Variants in PCDHGA8 observed in about 807,000 individuals in gnomAD.
The protein encoded by PCDHGA8 is protocadherin gamma subfamily A, 8.
In PCDHGA8, 45 loss-of-function variants were observed where a neutral mutation model predicts 59.2. The observed-to-expected ratio is 0.76, with a 90% CI of 0.60 to 0.98. PCDHGA8 has a LOEUF of 0.98. Ranked by LOEUF, PCDHGA8 falls within the 50% of genes least tolerant of loss-of-function variation. The pLI, the probability that PCDHGA8 is intolerant of heterozygous loss-of-function variation, is 0.00. For synonymous variants in PCDHGA8, 531 were observed against 519.0 expected (o/e 1.02, Z -0.32); for missense variants, 1,257 against 1,196.2 (o/e 1.05, Z -0.75).
Position 141,477,383 on chromosome 5 carries a change from T to A in PCDHGA8, c.2425-17424T>A. 6.2e-7 allele frequency: 1 copy of A among 1,614,102 alleles called. No homozygotes were observed. Among genetic ancestry groups the A allele is most frequent in the Non-Finnish European group, 8.5e-7 (1 of 1,180,006 alleles). On this transcript the variant is annotated intron_variant, in intron 1 of 3. Transcript: ENST00000398604. This position sits in a 1 kb window ranked among gnomAD's most constrained non-coding sequence, Gnocchi z 4.9. Reference sequence around the variant, plus strand: ...CCTGGATCGGGAGACTGTGCCAGAATACAACCTCAGCATCACCGCCCGAGA... The same window carrying A: ...CCTGGATCGGGAGACTGTGCCAGAAAACAACCTCAGCATCACCGCCCGAGA...
chr5:141,491,291 C>A lies in PCDHGA8; in HGVS notation c.2425-3516C>A. The A allele has an allele frequency of 8.1e-6, 13 of 1,614,152 alleles. No individual in the cohort carries two copies. Among genetic ancestry groups the A allele is most frequent in the Non-Finnish European group, 1.1e-5 (13 of 1,179,974 alleles). On this transcript the variant is annotated intron_variant, in intron 1 of 3. Transcript: ENST00000398604. This position sits in a 1 kb window ranked among gnomAD's most constrained non-coding sequence, Gnocchi z 6.9. The stretch of plus-strand genomic sequence containing the variant: ...AAATCCAGTGACTTCCTCATACACC[C>A]TCCTGAGCGTTCAGACCTTACCCTT...
At chr5:141,398,867 A>G (rs375842913) in intron 1 of PCDHGA8, 18 of 1,613,862 alleles carry the variant, frequency 1.1e-5, no homozygotes, top group Non-Finnish European at 1.4e-5. Context: ...CGAGACGTGT[A>G]CAGAGTCAGC....
intron 1 of PCDHGA8, chr5:141,417,186 C>A (rs2154546857): frequency 6.6e-6 from 1 of 152,258 alleles, no homozygotes; most frequent in Admixed American, 6.5e-5. Context: ...GGAATTATTA[C>A]TTTCTGGGTG....
intron 1 of PCDHGA8, chr5:141,426,778 C>A (rs780981970): frequency 2.2e-6 from 1 of 456,716 alleles, no homozygotes; most frequent in South Asian, 1.5e-5. Context: ...GGGCCTCACT[C>A]TCTCCAGAGT....
intron 1 of PCDHGA8, chr5:141,479,743 T>C (rs2154578017): frequency 6.6e-6 from 1 of 152,356 alleles, no homozygotes; most frequent in African/African-American, 2.4e-5. Flanking sequence ...ATATGCACAA[T>C]GTGAAAGGTA....
At chr5:141,437,832 G>A (rs929534984) in intron 1 of PCDHGA8, among the ~76,000 whole-genome samples, 2 of 151,794 alleles carry the variant, frequency 1.3e-5, no homozygotes, top group Admixed American at 1.3e-4. Context: ...CTGCCTCCTG[G>A]GTTCATGCTA....
Position 141,491,190 on chromosome 5 carries a change from C to A in PCDHGA8, c.2425-3617C>A, listed in dbSNP as rs759736855. On this transcript the variant is annotated intron_variant, in intron 1 of 3. Transcript: ENST00000398604. The surrounding 1 kb of genome is among the most constrained non-coding windows in gnomAD (Gnocchi z 6.9). ...AGCAGGTGGTGGTCCTGGTGAGGGA[C>A]AATGGTGACCCTTCACTCTCCTCCA... 1 of 1,614,192 alleles carries A rather than the reference C, an allele frequency of 6.2e-7. No homozygotes were observed. The highest frequency in any genetic ancestry group is 1.1e-5 in the South Asian group (1 of 91,082).
rs1448273528 is a variant in PCDHGA8 at position 141,393,560 on chromosome 5, G to A, written c.747G>A (p.Val249=). The change falls in exon 1 of 4, where the codon GTG becomes GTA. Residue 249 remains valine (V), a synonymous_variant. Transcript: ENST00000398604. ...TTTTTCCTCACCCGATTTACCGAGTGAAAGTCCTTGAGAACATGCCCCCAG... is the reference window on the plus strand; with the variant it reads ...TTTTTCCTCACCCGATTTACCGAGTAAAAGTCCTTGAGAACATGCCCCCAG... ...APVFPHPIYR[V]KVLENMPPGT... 1.5e-5 allele frequency: 24 copies of A among 1,613,796 alleles called. No homozygotes were observed. Among genetic ancestry groups the A allele is most frequent in the Non-Finnish European group, 2.0e-5 (24 of 1,179,906 alleles).
intron 1 of PCDHGA8, among the ~76,000 whole-genome samples, chr5:141,454,343 A>G (rs1161350416): frequency 2.6e-5 from 4 of 152,248 alleles, no homozygotes; most frequent in African/African-American, 7.2e-5. Flanking sequence ...AAATGTTGGA[A>G]GTTGATCCAA....
rs570809952 is a variant in PCDHGA8 at position 141,463,609 on chromosome 5, C to T, written c.2425-31198C>T. 4.6e-5 allele frequency among the ~76,000 whole-genome samples: 7 copies of T among 151,964 alleles called. No homozygotes were observed. In the East Asian group the frequency reaches 9.7e-4, roughly 21 times the overall value. The stretch of plus-strand genomic sequence containing the variant: ...GACTACAGGTGCCTGCCACCATGCC[C>T]GGCTAATTTTTTGTATTTTGTTTAG... On this transcript the variant is annotated intron_variant, in intron 1 of 3. Coordinates refer to ENST00000398604, the MANE Select transcript of PCDHGA8 (RefSeq NM_032088.2).
chr5:141,480,816 G>A (rs1400500941), intron 1 of PCDHGA8, among the ~76,000 whole-genome samples: 4 of 152,208 alleles, frequency 2.6e-5, no homozygotes, highest in Admixed American at 2.0e-4. Flanking sequence ...GGAGGCTGAG[G>A]TGGGTGGATC....
intron 2 of PCDHGA8, among the ~76,000 whole-genome samples, chr5:141,501,290 T>TACACACACACACAC (rs55762287): frequency 7.3e-6 from 1 of 136,164 alleles, no homozygotes; most frequent in Non-Finnish European, 1.6e-5. Context: ...TATTCCCTTA[T>TACACACACACACAC]ACACACACAC....
intron 1 of PCDHGA8, chr5:141,421,914 T>C: frequency 4.3e-6 from 7 of 1,613,742 alleles, no homozygotes; most frequent in Non-Finnish European, 5.9e-6. Flanking sequence ...CAGTTCCCAT[T>C]CGTGTGGTGG....
intron 1 of PCDHGA8, chr5:141,412,659 C>T (rs1013218327): frequency 7.9e-5 from 12 of 152,212 alleles, no homozygotes; most frequent in African/African-American, 2.4e-4. Flanking sequence ...TACCTAGACA[C>T]TAATATGACC....
intron 1 of PCDHGA8, among the ~76,000 whole-genome samples, chr5:141,484,306 C>T (rs1009067603): frequency 6.6e-6 from 1 of 152,184 alleles, no homozygotes; most frequent in African/African-American, 2.4e-5. Context: ...GCTTCCTCCA[C>T]CCCGCTTCCA....
rs1192987646 is a variant in PCDHGA8, at chr5:141,423,758, G to A, written c.2424+28521G>A. Reference sequence around the variant, plus strand: ...CTGTTATGAAAACTGTTTGGGGGGGGGGTGGGGCGGCATATATTTAGTTCA... The same window carrying A: ...CTGTTATGAAAACTGTTTGGGGGGGAGGTGGGGCGGCATATATTTAGTTCA... On this transcript the variant is annotated intron_variant, in intron 1 of 3. Coordinates refer to ENST00000398604, the MANE Select transcript of PCDHGA8 (RefSeq NM_032088.2). 8.2e-5 allele frequency: 30 copies of A among 366,770 alleles called. 3 individuals are homozygous for A. Among genetic ancestry groups the A allele is most frequent in the Non-Finnish European group, 1.1e-4 (29 of 259,742 alleles). The allele number at this position is 366,770 out of a possible 1,614,324, so 22.7% of individuals were successfully genotyped here.
rs934674909 is a variant in PCDHGA8, at chr5:141,511,083, A to C, written c.2709A>C (p.Thr903=). Residue 903 remains threonine, a synonymous_variant, in exon 4 of 4, where the codon ACA becomes ACC. Transcript: ENST00000398604. The part of the protein sequence containing the change: ...QNVYIPGSNA[T]LTNAAGKRDG... Reference sequence around the variant, plus strand: ...TCTACATCCCAGGCAGCAATGCCACACTGACCAACGCAGCTGGCAAGCGGG... The same window carrying C: ...TCTACATCCCAGGCAGCAATGCCACCCTGACCAACGCAGCTGGCAAGCGGG... 1.2e-6 allele frequency: 2 copies of C among 1,614,108 alleles called. No homozygotes were observed. Among genetic ancestry groups the C allele is most frequent in the African/African-American group, 2.7e-5 (2 of 74,940 alleles).
rs760241344 is a variant in PCDHGA8, at chr5:141,393,540, C to G, written c.727C>G (p.Pro243Ala). The G allele has an allele frequency of 6.2e-7, 1 of 1,613,996 alleles. No individual in the cohort carries two copies. Among genetic ancestry groups the G allele is most frequent in the Admixed American group, 1.7e-5 (1 of 60,030 alleles). The change falls in exon 1 of 4, where the codon CCT becomes GCT. Residue 243 changes from proline to alanine, a missense_variant. Transcript: ENST00000398604. ...TACAAATGACAATGCCCCGGTTTTT[C>G]CTCACCCGATTTACCGAGTGAAAGT... ...LDTNDNAPVF[P>A]HPIYRVKVLE...
chr5:141,410,847 G>GTATTTT, intron 1 of PCDHGA8: 1 of 158,250 alleles, frequency 6.3e-6, no homozygotes, highest in Non-Finnish European at 1.0e-5. Flanking sequence ...TTTTGTCTTT[G>GTATTTT]TCTTTTTTTT....
Sources: allele counts gnomAD v4.1 joint callset (sites outside exome capture counted in the v4.1 genomes callset), GRCh38; gene constraint gnomAD v4.1.1; non-coding constraint Gnocchi (gnomAD v3.1); transcripts MANE v1.5; gene names NCBI Gene and HGNC (gene_info 2026-07-23, HGNC 2026-07-21).